The following TIAM1 variants were observed in gnomAD, a reference collection of about 807,000 sequenced individuals.
The protein encoded by TIAM1 is rho guanine nucleotide exchange factor TIAM1.
TIAM1 carries 65 observed loss-of-function variants against 163.5 expected under a neutral mutation model. The ratio of observed to expected loss-of-function variants is 0.40; its 90% CI spans 0.33 to 0.49. The LOEUF is 0.49. Ranked by LOEUF, TIAM1 falls within the 20% of genes least tolerant of loss-of-function variation. The pLI is 0.77. For missense variants in TIAM1, 1,789 were observed against 2,044.7 expected, an observed-to-expected ratio of 0.87 and a Z score of 2.41; for synonymous variants, 833 against 810.1, an observed-to-expected ratio of 1.03 and a Z score of -0.48.
chr21:31,411,876 A>C (rs1197868328), intron 2 of TIAM1, among the ~76,000 whole-genome samples: 1 of 146,428 alleles, frequency 6.8e-6, no homozygotes, highest in East Asian at 2.2e-4. Flanking sequence ...GAACGTATGT[A>C]ATGGGCAATC....
At chr21:31,296,850 A>T (rs1296642613) in intron 2 of TIAM1, among the ~76,000 whole-genome samples, 1 of 152,124 alleles carries the variant, frequency 6.6e-6, no homozygotes. Flanking sequence ...TTTTTAGTAG[A>T]GATGGGGTTT....
rs1568916947 is a variant in TIAM1, at chr21:31,146,980, TC to T, written c.3389del (p.Gly1130AspfsTer28). On this transcript the variant is annotated frameshift_variant, in exon 20 of 28. Transcript: ENST00000541036. LOFTEE classifies it high-confidence loss of function. ...AGCGGTCAGCATAATACAGGAATGATCCCCCCAGAGAGAACAGCACTTTCTG... is the reference window on the plus strand; with the variant it reads ...AGCGGTCAGCATAATACAGGAATGATCCCCCAGAGAGAACAGCACTTTCTG... ...QFKKVLFSLGGSFLYYADRFK... is the reference protein window; with the variant it reads ...QFKKVLFSLGXSFLYYADRFK... 1 of 1,613,666 alleles carries T rather than the reference TC, an allele frequency of 6.2e-7. No individual in the cohort carries two copies. The highest frequency in any genetic ancestry group is 8.5e-7 in the Non-Finnish European group (1 of 1,179,818).
intron 1 of TIAM1, among the ~76,000 whole-genome samples, chr21:31,558,029 G>A (rs1268046642): frequency 6.6e-6 from 1 of 152,252 alleles, no homozygotes; most frequent in East Asian, 1.9e-4. Context: ...GGCGTCACCT[G>A]ACAGCGCGCA....
At chr21:31,437,266 C>T (rs1023876546) in intron 2 of TIAM1, among the ~76,000 whole-genome samples, 1 of 152,022 alleles carries the variant, frequency 6.6e-6, no homozygotes, top group African/African-American at 2.4e-5. Context: ...CACTGGTGCA[C>T]GCTTGTAATC....
chr21:31,452,267 G>A (rs904428438), intron 2 of TIAM1, among the ~76,000 whole-genome samples: 14 of 152,142 alleles, frequency 9.2e-5, no homozygotes, highest in Non-Finnish European at 1.8e-4. Context: ...ATGAAATCCT[G>A]TCTCTACTAA....
intron 3 of TIAM1, among the ~76,000 whole-genome samples, chr21:31,273,834 G>C (rs1340499424): frequency 2.6e-5 from 4 of 152,198 alleles, no homozygotes; most frequent in Admixed American, 2.0e-4. Flanking sequence ...TGTGCTTCCT[G>C]AGTAAATGTA....
intron 20 of TIAM1, among the ~76,000 whole-genome samples, chr21:31,145,881 T>G (rs1210094185): frequency 6.6e-6 from 1 of 152,140 alleles, no homozygotes; most frequent in South Asian, 2.1e-4. Context: ...TCATCAACAT[T>G]ATAACAAAAT....
At chr21:31,277,472 C>G (rs1258095789) in intron 2 of TIAM1, among the ~76,000 whole-genome samples, 1 of 152,150 alleles carries the variant, frequency 6.6e-6, no homozygotes, top group East Asian at 1.9e-4. Context: ...ATGGTGAAAC[C>G]CCATCTTTAC....
intron 2 of TIAM1, among the ~76,000 whole-genome samples, chr21:31,316,657 A>G (rs188868281): frequency 1.3e-5 from 2 of 152,316 alleles, no homozygotes; most frequent in African/African-American, 2.4e-5. Flanking sequence ...TTCCTTCCAC[A>G]TCAAGGATTC....
intron 6 of TIAM1, among the ~76,000 whole-genome samples, chr21:31,228,557 G>A (rs2088198319): frequency 6.6e-6 from 1 of 152,126 alleles, no homozygotes; most frequent in Non-Finnish European, 1.5e-5. Context: ...CCACCAATAG[G>A]GGAATGGATG....
chr21:31,493,038 T>C (rs1170487420), intron 1 of TIAM1, among the ~76,000 whole-genome samples: 1 of 152,194 alleles, frequency 6.6e-6, no homozygotes, highest in African/African-American at 2.4e-5. Context: ...TGTTCTCAGA[T>C]ATCTCCAGTG....
chr21:31,208,133 A>T (rs1221196521), intron 11 of TIAM1, among the ~76,000 whole-genome samples: 1 of 152,204 alleles, frequency 6.6e-6, no homozygotes, highest in East Asian at 1.9e-4. Context: ...TGACAATACT[A>T]TTCTTCATTC....
intron 6 of TIAM1, among the ~76,000 whole-genome samples, chr21:31,239,831 T>C (rs2071075523): frequency 6.6e-6 from 1 of 152,226 alleles, no homozygotes; most frequent in African/African-American, 2.4e-5. Context: ...AAAATCTCAG[T>C]ATCAAGTTTG....
At chr21:31,464,202 G>A (rs1357358175) in intron 1 of TIAM1, among the ~76,000 whole-genome samples, 5 of 152,226 alleles carry the variant, frequency 3.3e-5, no homozygotes, top group South Asian at 2.1e-4. Context: ...AACAAAGGCC[G>A]TAAAATTAGA....
At chr21:31,221,038 C>G (rs536131360) in intron 8 of TIAM1, among the ~76,000 whole-genome samples, 2 of 152,080 alleles carry the variant, frequency 1.3e-5, no homozygotes, top group Admixed American at 6.6e-5. Context: ...CCTCCTCCCC[C>G]ACTAAAAAGA....
At chr21:31,234,863 A>G (rs942638543) in intron 6 of TIAM1, among the ~76,000 whole-genome samples, 2 of 152,196 alleles carry the variant, frequency 1.3e-5, no homozygotes, top group African/African-American at 4.8e-5. Context: ...TAAGGAAATG[A>G]TGCTAAAGAG....
At chr21:31,533,297 G>A (rs766335876) in intron 1 of TIAM1, among the ~76,000 whole-genome samples, 1 of 152,198 alleles carries the variant, frequency 6.6e-6, no homozygotes, top group Non-Finnish European at 1.5e-5. Context: ...CTCCAGCTTA[G>A]GCAACAGAGT....
chr21:31,323,070 A>G lies in TIAM1; in HGVS notation c.-189+16173T>C, dbSNP rs144110722. On this transcript the variant is annotated intron_variant, in intron 2 of 27. Transcript: ENST00000541036. ...TTTGGGAGGCTGAGGCATGTGGATC[A>G]TGAGGTCAAGAGATCGAGACCATCC... 3.4e-3 allele frequency among the ~76,000 whole-genome samples: 519 copies of G among 151,326 alleles called. 3 individuals carry two copies. Among genetic ancestry groups the G allele is most frequent in the African/African-American group, 0.012 (482 of 41,258 alleles).
intron 9 of TIAM1, 39 bp from the exon 10 acceptor site, chr21:31,213,511 G>A: frequency 6.3e-7 from 1 of 1,587,172 alleles, no homozygotes; most frequent in Non-Finnish European, 8.7e-7. Flanking sequence ...AGGAATCTGG[G>A]CAACAGGGCA....
Sources: gnomAD v4.1 joint callset for allele counts (sites outside exome capture counted in the v4.1 genomes callset) on GRCh38, gnomAD v4.1.1 for gene constraint, MANE v1.5 for transcripts, NCBI Gene and HGNC (gene_info 2026-07-23, HGNC 2026-07-21) for gene names.